The following SGCZ variants were observed in gnomAD, a reference collection of about 807,000 sequenced individuals.
The protein encoded by SGCZ is zeta-sarcoglycan.
Under a neutral mutation model 41.3 loss-of-function variants are expected in SGCZ, and 40 were observed. The observed-to-expected ratio is 0.97, with a 90% CI of 0.75 to 1.26. The LOEUF is 1.26. SGCZ is among the 50% of genes most tolerant of loss of function. The pLI is 0.00. For missense variants in SGCZ, 552 were observed against 369.8 expected (o/e 1.49, Z -4.04); for synonymous variants, 206 against 137.5 (o/e 1.50, Z -3.49).
At chr8:14,553,786 CAAACTT>C (rs1227265174) in intron 2 of SGCZ, among the ~76,000 whole-genome samples, 2 of 151,998 alleles carry the variant, frequency 1.3e-5, no homozygotes, top group Non-Finnish European at 2.9e-5. Flanking sequence ...AACAAACAAA[CAAACTT>C]AAACAGCCCA....
At chr8:14,752,132 C>CAA (rs56243371) in intron 1 of SGCZ, among the ~76,000 whole-genome samples, 2,631 of 117,694 alleles carry the variant, frequency 0.022, 103 homozygotes, top group African/African-American at 0.064. Context: ...ACAAAAAAGC[C>CAA]AAAAAAAAAA....
chr8:14,948,877 TTCTC>T (rs3069796), intron 1 of SGCZ, among the ~76,000 whole-genome samples: 3 of 130,700 alleles, frequency 2.3e-5, no homozygotes, highest in African/African-American at 2.5e-5. Context: ...TACAGCTTTT[TTCTC>T]TCTCTCTCTC....
At chr8:15,184,528 T>G (rs570235165) in intron 1 of SGCZ, among the ~76,000 whole-genome samples, 1 of 126,402 alleles carries the variant, frequency 7.9e-6, no homozygotes, top group Non-Finnish European at 1.9e-5. Flanking sequence ...TCTTTTGTCC[T>G]ACACCAGGCC....
intron 2 of SGCZ, among the ~76,000 whole-genome samples, chr8:14,374,318 A>G (rs558005655): frequency 6.6e-6 from 1 of 152,310 alleles, no homozygotes; most frequent in East Asian, 1.9e-4. Flanking sequence ...GGTCACCAGT[A>G]TGGGTGACAG....
chr8:14,965,370 A>G (rs910530445), intron 1 of SGCZ, among the ~76,000 whole-genome samples: 2 of 152,290 alleles, frequency 1.3e-5, no homozygotes, highest in Middle Eastern at 6.8e-3. Context: ...TGACTGGTGC[A>G]TATTTGAGAA....
intron 2 of SGCZ, among the ~76,000 whole-genome samples, chr8:14,486,524 C>G (rs543778881): frequency 1.3e-5 from 2 of 152,230 alleles, no homozygotes; most frequent in Admixed American, 6.5e-5. Context: ...CTACAAGCCA[C>G]TCATGGAGAA....
intron 1 of SGCZ, among the ~76,000 whole-genome samples, chr8:15,218,364 G>C (rs1201756508): frequency 6.6e-6 from 1 of 152,164 alleles, no homozygotes; most frequent in Non-Finnish European, 1.5e-5. Context: ...AACTTGGTGA[G>C]ATGTGAAATT....
intron 1 of SGCZ, among the ~76,000 whole-genome samples, chr8:14,893,934 G>A (rs538694519): frequency 6.6e-6 from 1 of 152,254 alleles, no homozygotes; most frequent in South Asian, 2.1e-4. Flanking sequence ...GCATATGACA[G>A]TTTCCTCAAT....
In SGCZ at chr8:14,092,466, A is replaced by G. The variant is rs112860613; in HGVS notation, c.745-1829T>C. Among the ~76,000 whole-genome samples the G allele has an allele frequency of 3.5e-3, 525 of 152,058 alleles. 4 individuals carry two copies. Among genetic ancestry groups the G allele is most frequent in the African/African-American group, 0.012 (492 of 41,494 alleles). On this transcript the variant is annotated intron_variant, in intron 7 of 7. Coordinates refer to ENST00000382080, the MANE Select transcript of SGCZ (RefSeq NM_139167.4). ...TAAAAGTGTGTGGACTTTTAATCCA[A>G]AGGATATACTAAGTAGCTGATATGG...
chr8:14,576,871 G>T (rs1244534898), intron 1 of SGCZ, among the ~76,000 whole-genome samples: 2 of 152,162 alleles, frequency 1.3e-5, no homozygotes, highest in African/African-American at 2.4e-5. Flanking sequence ...TCCTCTCCTT[G>T]TAAGAAGGAG....
At chr8:14,211,710 C>A (rs1197397601) in intron 4 of SGCZ, among the ~76,000 whole-genome samples, 1 of 152,064 alleles carries the variant, frequency 6.6e-6, no homozygotes, top group Non-Finnish European at 1.5e-5. Context: ...ACCATCACAT[C>A]TCGTGAGAAC....
At chr8:15,228,120 A>AGGG (rs1801834027) in intron 1 of SGCZ, among the ~76,000 whole-genome samples, 1 of 152,242 alleles carries the variant, frequency 6.6e-6, no homozygotes, top group Admixed American at 6.5e-5. Context: ...GTTATACATT[A>AGGG]AGAGCTATTA....
chr8:15,191,117 TTA>T (rs1563175056), intron 1 of SGCZ, among the ~76,000 whole-genome samples: 1 of 152,110 alleles, frequency 6.6e-6, no homozygotes, highest in Non-Finnish European at 1.5e-5. Flanking sequence ...ATTAAAAAGC[TTA>T]ATAATTGTGC....
intron 1 of SGCZ, among the ~76,000 whole-genome samples, chr8:14,833,603 T>C (rs983750019): frequency 1.3e-4 from 20 of 152,186 alleles, no homozygotes; most frequent in Non-Finnish European, 7.3e-5. Flanking sequence ...GGTTTTTAGT[T>C]GATTCTCAGC....
chr8:14,844,671 C>T (rs1803041466), intron 1 of SGCZ, among the ~76,000 whole-genome samples: 1 of 152,124 alleles, frequency 6.6e-6, no homozygotes, highest in Admixed American at 6.5e-5. Flanking sequence ...ATACAGCTAA[C>T]AAACATATTT....
intron 4 of SGCZ, among the ~76,000 whole-genome samples, chr8:14,180,125 C>T (rs753828437): frequency 3.9e-5 from 6 of 152,122 alleles, no homozygotes; most frequent in East Asian, 3.9e-4. Flanking sequence ...CTTAGAGCAA[C>T]GACTACTGGC....
rs112160889 is a variant in SGCZ, at chr8:14,102,262, T to C, written c.744+114A>G. On this transcript the variant is annotated intron_variant, in intron 7 of 7. Coordinates refer to ENST00000382080, the MANE Select transcript of SGCZ (RefSeq NM_139167.4). The stretch of plus-strand genomic sequence containing the variant: ...ATTACTTTCCTAAGTTACAACTCCA[T>C]TTATTTTCTACTGAAAGATATTCCT... 1.0e-4 allele frequency: 122 copies of C among 1,164,506 alleles called. 1 individual carries two copies. The African/African-American group carries it at 1.6e-3, about 15-fold the overall frequency. The allele number at this position is 1,164,506 out of a possible 1,614,324, so 72.1% of individuals were successfully genotyped here. A position where few individuals can be genotyped will look rare whatever the true frequency, so the allele number is the denominator to read the frequency against.
At chr8:14,546,991 T>G (rs1803649122) in intron 2 of SGCZ, among the ~76,000 whole-genome samples, 1 of 151,846 alleles carries the variant, frequency 6.6e-6, no homozygotes, top group Non-Finnish European at 1.5e-5. Flanking sequence ...TGAAACTCCA[T>G]AAAGCCTGGT....
At chr8:14,530,122 T>G (rs1362125469) in intron 2 of SGCZ, among the ~76,000 whole-genome samples, 1 of 151,976 alleles carries the variant, frequency 6.6e-6, no homozygotes, top group African/African-American at 2.4e-5. Flanking sequence ...AAACCATGCA[T>G]TTGCGTATTA....
Sources: gnomAD v4.1 joint callset for allele counts (sites outside exome capture counted in the v4.1 genomes callset) on GRCh38, gnomAD v4.1.1 for gene constraint, MANE v1.5 for transcripts, NCBI Gene and HGNC (gene_info 2026-07-23, HGNC 2026-07-21) for gene names.